The following DENND2A variants were observed in gnomAD, a reference collection of about 807,000 sequenced individuals.
DENND2A encodes the protein DENN domain-containing protein 2A.
In DENND2A, 53 loss-of-function variants were observed where a neutral mutation model predicts 105.3. The ratio of observed to expected loss-of-function variants is 0.50; its 90% CI spans 0.40 to 0.63. DENND2A has a LOEUF of 0.63. DENND2A is among the 30% of genes least tolerant of loss of function. DENND2A has a pLI of 0.00. For synonymous variants in DENND2A, 522 were observed against 508.4 expected (o/e 1.03, Z -0.36); for missense variants, 1,138 against 1,279.6 (o/e 0.89, Z 1.69).
chr7:140,583,307 T>TCAAACAAA (rs760898302), intron 5 of DENND2A, among the ~76,000 whole-genome samples: 2 of 149,868 alleles, frequency 1.3e-5, no homozygotes, highest in Non-Finnish European at 2.9e-5. Flanking sequence ...AGACTCTGTC[T>TCAAACAAA]CAAACAAACA....
rs779092613 is a variant in DENND2A, at chr7:140,567,189, T to A, written c.1676A>T (p.Tyr559Phe). The A allele has an allele frequency of 1.2e-6, 2 of 1,613,886 alleles. No homozygotes were observed. The highest frequency in any genetic ancestry group is 1.7e-6 in the Non-Finnish European group (2 of 1,179,942). Residue 559 changes from tyrosine to phenylalanine, a missense_variant, in exon 9 of 20, where the codon TAC becomes TTC. Tyr to Phe is a conservative substitution (Grantham distance 22). Around this residue, in one of 2 missense-constraint regions of DENND2A, gnomAD observed 627 missense variants for 779.8 expected, o/e 0.80. Coordinates refer to ENST00000496613, the MANE Select transcript of DENND2A (RefSeq NM_015689.5). ...YPSLARELIE[Y>F]QERQLFEYFV... is the part of the protein sequence containing the mutation. Reference sequence around the variant, plus strand: ...GTACTCGAAGAGCTGCCTCTCCTGGTACTCGATGAGTTCCCGGGCAAGTGA... The same window carrying A: ...GTACTCGAAGAGCTGCCTCTCCTGGAACTCGATGAGTTCCCGGGCAAGTGA...
At chr7:140,535,833 C>T (rs1048060674) in intron 14 of DENND2A, among the ~76,000 whole-genome samples, 4 of 152,070 alleles carry the variant, frequency 2.6e-5, no homozygotes, top group South Asian at 2.1e-4. Flanking sequence ...CCACCTGCCT[C>T]GGCCTCCCAA....
Position 140,575,668 on chromosome 7 carries a change from A to T in DENND2A, c.1246-1660T>A, listed in dbSNP as rs577224246. On this transcript the variant is annotated intron_variant, in intron 5 of 19. Coordinates refer to ENST00000496613, the MANE Select transcript of DENND2A (RefSeq NM_015689.5). ...ACAGTGGAATACCATGCAATTATTT[A>T]AAAAATCTTAATGTACTTGCCGGGC... Among the ~76,000 whole-genome samples the T allele has an allele frequency of 2.0e-5, 3 of 152,290 alleles. No homozygotes were observed. The East Asian group carries it at 5.8e-4, about 29-fold the overall frequency.
intron 5 of DENND2A, among the ~76,000 whole-genome samples, chr7:140,582,089 C>T (rs895724396): frequency 9.2e-5 from 14 of 152,074 alleles, no homozygotes; most frequent in South Asian, 2.1e-4. Flanking sequence ...CTCTGCCTCC[C>T]GAGTAGCTGG....
chr7:140,635,404 C>T (rs940373794), intron 1 of DENND2A, among the ~76,000 whole-genome samples: 18 of 152,054 alleles, frequency 1.2e-4, no homozygotes, highest in African/African-American at 4.3e-4. Flanking sequence ...AAAGGAAATG[C>T]ATTTGGCATT....
chr7:140,589,463 TTC>T (rs1735947631), intron 3 of DENND2A, among the ~76,000 whole-genome samples: 1 of 152,142 alleles, frequency 6.6e-6, no homozygotes, highest in African/African-American at 2.4e-5. Context: ...AAGGGGTCAT[TTC>T]ACTGGAAGCC....
intron 5 of DENND2A, among the ~76,000 whole-genome samples, chr7:140,584,546 G>T (rs936583158): frequency 1.3e-5 from 2 of 152,188 alleles, no homozygotes; most frequent in East Asian, 3.9e-4. Context: ...TGCTAGTCCT[G>T]CAGGCAATGG....
At chr7:140,591,678 T>C (rs866767585) in intron 3 of DENND2A, among the ~76,000 whole-genome samples, 35 of 144,928 alleles carry the variant, frequency 2.4e-4, no homozygotes, top group African/African-American at 6.5e-4. Flanking sequence ...TTTCTCTTTC[T>C]TTCTTTCTTT....
At chr7:140,587,854 A>G (rs1563161175) in intron 3 of DENND2A, 74 bp from the exon 4 acceptor site, 4 of 1,372,802 alleles carry the variant, frequency 2.9e-6, no homozygotes, top group Non-Finnish European at 3.8e-6. Flanking sequence ...ATATATTAAT[A>G]TATCCCCTCG....
At chr7:140,606,625 C>T (rs1474297744) in intron 1 of DENND2A, among the ~76,000 whole-genome samples, 1 of 152,162 alleles carries the variant, frequency 6.6e-6, no homozygotes, top group African/African-American at 2.4e-5. Flanking sequence ...CAGAGCACCC[C>T]ATGGGGAGCC....
chr7:140,634,293 C>T (rs922850915), intron 1 of DENND2A, among the ~76,000 whole-genome samples: 21 of 152,034 alleles, frequency 1.4e-4, no homozygotes, highest in Non-Finnish European at 1.5e-4. Context: ...CCACCGCGCC[C>T]GGCCTAAAAT....
intron 7 of DENND2A, 132 bp from the exon 8 acceptor site, chr7:140,568,945 G>C: frequency 1.2e-6 from 1 of 808,672 alleles, no homozygotes; most frequent in East Asian, 2.9e-5. Context: ...TTTTTTTTGA[G>C]ATGGAGTCTT....
At position 140,544,777 on chromosome 7, in the gene DENND2A, A is replaced by G. The variant is rs1796826823; in HGVS notation, c.2179-11T>C. On this transcript the variant is annotated splice_polypyrimidine_tract_variant and intron_variant, in intron 13 of 19. Coordinates refer to ENST00000496613, the MANE Select transcript of DENND2A (RefSeq NM_015689.5). ...GCACAGTTCGATCACCTGCCAGGGA[A>G]CAGGAGCAGCCATGAAGGAGGGGCC... The G allele has an allele frequency of 1.3e-6, 2 of 1,563,910 alleles. No individual in the cohort carries two copies. Among genetic ancestry groups the G allele is most frequent in the African/African-American group, 2.7e-5 (2 of 73,990 alleles).
intron 5 of DENND2A, among the ~76,000 whole-genome samples, chr7:140,574,914 G>A (rs1309214447): frequency 1.3e-5 from 2 of 152,098 alleles, no homozygotes; most frequent in African/African-American, 4.8e-5. Flanking sequence ...CAGCTACTCG[G>A]GAGGCTGAGG....
intron 3 of DENND2A, among the ~76,000 whole-genome samples, chr7:140,600,424 G>A (rs965362716): frequency 6.6e-6 from 1 of 152,062 alleles, no homozygotes; most frequent in Non-Finnish European, 1.5e-5. Context: ...TAGGTTCGGG[G>A]TGTGCTCTGA....
intron 1 of DENND2A, among the ~76,000 whole-genome samples, chr7:140,624,490 C>A (rs1419988422): frequency 2.0e-5 from 3 of 152,170 alleles, no homozygotes; most frequent in African/African-American, 4.8e-5. Context: ...CACTGTGGCC[C>A]AGGGGGGTTT....
At position 140,535,110 on chromosome 7, in the gene DENND2A, T is replaced by C. The variant is rs76287700; in HGVS notation, c.2328-7615A>G. ...TGCTCAGCTGGCTTCCAACTCTCTATGAAGCAGTAAGGATCCAGCACAGAG... is the reference window on the plus strand; with the variant it reads ...TGCTCAGCTGGCTTCCAACTCTCTACGAAGCAGTAAGGATCCAGCACAGAG... On this transcript the variant is annotated intron_variant, in intron 14 of 19. Transcript: ENST00000496613. 5.9e-3 allele frequency among the ~76,000 whole-genome samples: 905 copies of C among 152,272 alleles called. 5 individuals carry two copies. Among genetic ancestry groups the C allele is most frequent in the African/African-American group, 0.02 (826 of 41,536 alleles).
At position 140,640,793 on chromosome 7, in the gene DENND2A, C is replaced by G. The variant is rs1470897534; in HGVS notation, c.-537G>C. The G allele has an allele frequency of 2.0e-5, 3 of 151,256 alleles. No homozygotes were observed. The highest frequency in any genetic ancestry group is 2.0e-4 in the East Asian group (1 of 5,090). 9.4% of individuals were successfully genotyped at this position (151,256 alleles called of 1,614,324 possible). ...GCCCGCGGCCCCTGCCTCCTCCTGC[C>G]GTGGCTCCGCGACGATCTGCGCGAC... is the stretch of plus-strand genomic sequence containing the variant. On this transcript the variant is annotated 5_prime_UTR_variant, in exon 1 of 20. Coordinates refer to ENST00000496613, the MANE Select transcript of DENND2A (RefSeq NM_015689.5). This position sits in a 1 kb window ranked among gnomAD's most constrained non-coding sequence, Gnocchi z 4.9.
At chr7:140,521,704 G>T in intron 18 of DENND2A, 151 bp downstream of exon 18, 2 of 1,296,200 alleles carry the variant, frequency 1.5e-6, no homozygotes, top group Non-Finnish European at 1.1e-6. Flanking sequence ...CTTCCTACCA[G>T]CTCAGTCAGG....
Sources: gnomAD v4.1 joint callset for allele counts (sites outside exome capture counted in the v4.1 genomes callset) on GRCh38, gnomAD v4.1.1 for gene constraint, gnomAD v4.1.1 regional missense constraint, Gnocchi (gnomAD v3.1) non-coding constraint, MANE v1.5 for transcripts, NCBI Gene and HGNC (gene_info 2026-07-23, HGNC 2026-07-21) for gene names.